Variants in CHD1L observed in about 807,000 individuals in gnomAD.
CHD1L encodes the protein ATP-dependent chromatin remodeler CHD1L.
A neutral mutation model predicts 115.9 loss-of-function variants in CHD1L; 118 were observed. The ratio of observed to expected loss-of-function variants is 1.02; its 90% CI spans 0.88 to 1.19. The LOEUF (loss-of-function observed/expected upper bound fraction) is 1.19, where lower values mean the gene tolerates loss of function less well. Ranked by LOEUF, CHD1L falls within the 50% of genes most tolerant of loss-of-function variation. CHD1L has a pLI of 0.00. For missense variants in CHD1L, 1,179 were observed against 1,065.3 expected (o/e 1.11, Z -1.49); for synonymous variants, 411 against 387.1 (o/e 1.06, Z -0.72).
At chr1:147,247,216 G>A (rs1162394856) in intron 1 of CHD1L, among the ~76,000 whole-genome samples, 2 of 152,096 alleles carry the variant, frequency 1.3e-5, no homozygotes, top group African/African-American at 2.4e-5. Flanking sequence ...TAAATGTGTT[G>A]GGGTTTTCTG....
At chr1:147,254,534 G>A (rs1368526297) in intron 2 of CHD1L, among the ~76,000 whole-genome samples, 7 of 152,086 alleles carry the variant, frequency 4.6e-5, no homozygotes, top group African/African-American at 1.7e-4. Flanking sequence ...TCAGAGTATC[G>A]CAGATCTTGG....
chr1:147,214,707 G>A, the CHD1L span: 4 of 151,984 alleles, frequency 2.6e-5, no homozygotes, highest in East Asian at 1.9e-4. Flanking sequence ...TCTTTCCTCC[G>A]AGCTGCAACG....
At chr1:147,198,872 A>AAAAAG in the CHD1L span, among the ~76,000 whole-genome samples, 2,051 of 144,240 alleles carry the variant, frequency 0.014, 23 homozygotes, top group South Asian at 0.039. Context: ...AAAAAAAAAA[A>AAAAAG]AAAGAAAGAA....
chr1:147,260,010 T>C, intron 6 of CHD1L, 92 bp downstream of exon 6: 1 of 1,013,356 alleles, frequency 9.9e-7, no homozygotes, highest in Non-Finnish European at 1.5e-6. Flanking sequence ...ACAACAAAAT[T>C]GAACAGAAAC....
At position 147,286,332 on chromosome 1, in the gene CHD1L, T is replaced by G. The variant is rs1553965677; in HGVS notation, c.2053T>G (p.Phe685Val). Residue 685 changes from phenylalanine to valine, a missense_variant, in exon 18 of 23, where the codon TTC becomes GTC. Coordinates refer to ENST00000369258, the MANE Select transcript of CHD1L (RefSeq NM_004284.6). ...GTGGGAATCCAACAATTACCAGTCC[T>G]TCTGCCTGCCCTCTGAGGAGAGCGA... The part of the protein sequence containing the change: ...AWWESNNYQS[F>V]CLPSEESEPE... The G allele has an allele frequency of 6.2e-7, 1 of 1,614,132 alleles. No homozygotes were observed. The highest frequency in any genetic ancestry group is 8.5e-7 in the Non-Finnish European group (1 of 1,180,018).
At chr1:147,179,180 A>C in the CHD1L span, 1 of 1,614,134 alleles carries the variant, frequency 6.2e-7, no homozygotes. Context: ...CTGCAGGATT[A>C]CTTTGATGGC....
chr1:147,286,986 TTC>T (rs1373201845), intron 18 of CHD1L, among the ~76,000 whole-genome samples: 7 of 152,164 alleles, frequency 4.6e-5, no homozygotes, highest in Admixed American at 2.6e-4. Flanking sequence ...CCCCCTGTTA[TTC>T]TCTGTCCCTT....
At chr1:147,178,614 T>A in the CHD1L span, 3,948 of 1,597,170 alleles carry the variant, frequency 2.5e-3, 75 homozygotes, top group African/African-American at 0.044. Context: ...TCAGTGAAGC[T>A]CACTCCGAGT....
rs369629494 is a variant in CHD1L, at chr1:147,280,536, A to T, written c.1705+345A>T. 3.8e-4 allele frequency among the ~76,000 whole-genome samples: 58 copies of T among 152,358 alleles called. 1 individual carries two copies. The South Asian group carries it at 0.011, about 29-fold the overall frequency. On this transcript the variant is annotated intron_variant, in intron 15 of 22. Coordinates refer to ENST00000369258, the MANE Select transcript of CHD1L (RefSeq NM_004284.6). ...TACCATCCTTGGTATGATGCTTTGC[A>T]CATAGCGATTCCTCTTCTAAACAGT...
At chr1:147,267,574 A>G in intron 9 of CHD1L, 56 bp downstream of exon 9, 4 of 1,361,896 alleles carry the variant, frequency 2.9e-6, no homozygotes, top group Non-Finnish European at 4.1e-6. Context: ...CTGTGGCCAA[A>G]TCATACCAAA....
chr1:147,238,106 A>G (rs1664642616), upstream of CHD1L, among the ~76,000 whole-genome samples: 2 of 152,172 alleles, frequency 1.3e-5, no homozygotes. Flanking sequence ...TTTCATGACA[A>G]AGAGGTATAC....
intron 19 of CHD1L, 91 bp from the exon 20 acceptor site, chr1:147,291,391 C>A: frequency 8.8e-7 from 1 of 1,137,846 alleles, no homozygotes; most frequent in Non-Finnish European, 1.3e-6. Flanking sequence ...TCCTGAAACC[C>A]AACTGAATTT....
chr1:147,239,792 C>T (rs1017231122), upstream of CHD1L, among the ~76,000 whole-genome samples: 5 of 152,132 alleles, frequency 3.3e-5, no homozygotes, highest in Admixed American at 2.0e-4. Context: ...AACAAATGTA[C>T]TTTAAGTTAA....
intron 1 of CHD1L, chr1:147,243,037 G>A (rs112229867): frequency 2.0e-6 from 1 of 503,380 alleles, no homozygotes; most frequent in Non-Finnish European, 3.0e-6. Context: ...GGGGCCGGCG[G>A]ACGCCAGATG....
chr1:147,180,303 T>G, the CHD1L span, among the ~76,000 whole-genome samples: 5,607 of 151,998 alleles, frequency 0.037, 149 homozygotes, highest in South Asian at 0.094. Flanking sequence ...GTTTTTGTGT[T>G]TTTTTTTGAG....
the CHD1L span, among the ~76,000 whole-genome samples, chr1:147,234,744 A>G: frequency 6.6e-6 from 1 of 152,252 alleles, no homozygotes; most frequent in East Asian, 1.9e-4. Context: ...ACTATATTAC[A>G]TATTATATTT....
At chr1:147,269,552 C>T (rs933429184) in intron 10 of CHD1L, among the ~76,000 whole-genome samples, 1 of 151,242 alleles carries the variant, frequency 6.6e-6, no homozygotes, top group Non-Finnish European at 1.5e-5. Flanking sequence ...GCCTGTAGTC[C>T]CAGCTACTTG....
At chr1:147,266,979 C>T (rs1486893064) in intron 8 of CHD1L, among the ~76,000 whole-genome samples, 2 of 152,100 alleles carry the variant, frequency 1.3e-5, no homozygotes, top group Non-Finnish European at 2.9e-5. Context: ...TTCCAATATC[C>T]ACTGGGGGTT....
At chr1:147,193,873 A>C in the CHD1L span, among the ~76,000 whole-genome samples, 1 of 152,116 alleles carries the variant, frequency 6.6e-6, no homozygotes, top group Non-Finnish European at 1.5e-5. Context: ...TCTGAGAGAC[A>C]GTTTGTTATA....
Sources: gnomAD v4.1 joint callset for allele counts (sites outside exome capture counted in the v4.1 genomes callset) on GRCh38, gnomAD v4.1.1 for gene constraint, MANE v1.5 for transcripts, NCBI Gene and HGNC (gene_info 2026-07-23, HGNC 2026-07-21) for gene names.